PCNX1: variants seen among roughly 807,000 people sequenced by gnomAD.
PCNX1 encodes the protein pecanex-like protein 1.
Under a neutral mutation model 242.2 loss-of-function variants are expected in PCNX1, and 78 were observed. The ratio of observed to expected loss-of-function variants is 0.32; its 90% CI spans 0.27 to 0.39. PCNX1 has a LOEUF of 0.39. Ranked by LOEUF, PCNX1 falls within the 10% of genes least tolerant of loss-of-function variation. The pLI, the probability that PCNX1 is intolerant of heterozygous loss-of-function variation, is 1.00. For missense variants in PCNX1, 2,581 were observed against 2,856.5 expected (o/e 0.90, Z 2.20); for synonymous variants, 1,024 against 1,032.9 (o/e 0.99, Z 0.17).
chr14:71,012,625 T>G, intron 10 of PCNX1: 1 of 278,536 alleles, frequency 3.6e-6, no homozygotes, highest in Non-Finnish European at 6.9e-6. Context: ...AGGTCAAGAG[T>G]TCAAGACCAG....
chr14:70,935,940 G>A (rs1167426320), intron 1 of PCNX1, among the ~76,000 whole-genome samples: 1 of 152,112 alleles, frequency 6.6e-6, no homozygotes, highest in Non-Finnish European at 1.5e-5. Context: ...ATTTCAGATG[G>A]AAACCAGTGT....
intron 21 of PCNX1, 50 bp downstream of exon 21, chr14:71,047,155 A>G (rs758423706): frequency 9.0e-7 from 1 of 1,112,468 alleles, no homozygotes; most frequent in Non-Finnish European, 1.3e-6. Context: ...GGCTGTTATA[A>G]ACAATGTCTT....
At position 71,003,083 on chromosome 14, in the gene PCNX1, T is replaced by C. The variant is rs571785715; in HGVS notation, c.2630-6551T>C. Among the ~76,000 whole-genome samples the C allele has an allele frequency of 1.3e-4, 17 of 134,586 alleles. No homozygotes were observed. The Middle Eastern group carries it at 0.01, about 83-fold the overall frequency. 88.3% of individuals were successfully genotyped at this position (134,586 alleles called of 152,430 possible). A position where few individuals can be genotyped will look rare whatever the true frequency, so the allele number is the denominator to read the frequency against. On this transcript the variant is annotated intron_variant, in intron 8 of 35. Transcript: ENST00000304743. ...AAATCGGGTTGTTGGTTGTCTTCTT[T>C]TTTTTTTTTTTTTTTTTGAGACAGA...
intron 28 of PCNX1, among the ~76,000 whole-genome samples, chr14:71,081,662 T>C (rs1216671739): frequency 6.6e-6 from 1 of 152,216 alleles, no homozygotes; most frequent in African/African-American, 2.4e-5. Context: ...TAGAGGTGTT[T>C]ATAGTATTCT....
intron 3 of PCNX1, among the ~76,000 whole-genome samples, chr14:70,967,596 C>T (rs1034489273): frequency 1.3e-5 from 2 of 152,092 alleles, no homozygotes; most frequent in Non-Finnish European, 2.9e-5. Context: ...TTAATTTTCT[C>T]CTTATAGTTT....
chr14:71,032,723 A>G (rs1297907621), intron 16 of PCNX1, among the ~76,000 whole-genome samples: 1 of 152,214 alleles, frequency 6.6e-6, no homozygotes, highest in Admixed American at 6.5e-5. Context: ...CACAGGACAT[A>G]CTTAAGAACT....
chr14:71,032,986 A>C (rs2060431671), intron 16 of PCNX1, among the ~76,000 whole-genome samples: 1 of 152,250 alleles, frequency 6.6e-6, no homozygotes, highest in Non-Finnish European at 1.5e-5. Context: ...GTAACACACC[A>C]AATGTCAGAC....
intron 1 of PCNX1, among the ~76,000 whole-genome samples, chr14:70,913,795 A>G (rs924773046): frequency 6.6e-6 from 1 of 152,212 alleles, no homozygotes; most frequent in Non-Finnish European, 1.5e-5. Flanking sequence ...TATTTCTCTA[A>G]AAGTTTAGAT....
chr14:71,051,168 C>CAAAAAAAA (rs758181078), intron 23 of PCNX1, among the ~76,000 whole-genome samples: 2 of 41,782 alleles, frequency 4.8e-5, no homozygotes, highest in African/African-American at 9.6e-5. Flanking sequence ...AACTCTGTCT[C>CAAAAAAAA]AAAAAAAAAA....
chr14:71,099,815 A>G (rs796453175), intron 30 of PCNX1, among the ~76,000 whole-genome samples: 7 of 152,304 alleles, frequency 4.6e-5, no homozygotes, highest in African/African-American at 1.7e-4. Flanking sequence ...TGAACTTTCT[A>G]TCATTAGGTA....
chr14:71,074,015 A>C (rs1207513623), intron 27 of PCNX1, among the ~76,000 whole-genome samples: 1 of 152,198 alleles, frequency 6.6e-6, no homozygotes, highest in East Asian at 1.9e-4. Flanking sequence ...TTCATTCATT[A>C]ATAATAATAG....
At chr14:70,991,122 C>T (rs1254655925) in intron 7 of PCNX1, among the ~76,000 whole-genome samples, 1 of 151,996 alleles carries the variant, frequency 6.6e-6, no homozygotes, top group African/African-American at 2.4e-5. Flanking sequence ...TGTTCTAACT[C>T]CAGCCAATCA....
intron 19 of PCNX1, among the ~76,000 whole-genome samples, chr14:71,040,744 C>A (rs568764451): frequency 3.3e-5 from 5 of 152,014 alleles, no homozygotes; most frequent in Non-Finnish European, 7.4e-5. Context: ...ACTATAGTTA[C>A]CCTCTTGTGC....
Position 70,962,242 on chromosome 14 carries a change from A to G in PCNX1, c.379A>G (p.Ile127Val). ...SNGPSDPGGG[I>V]EMSEFIREAT... Reference sequence around the variant, plus strand: ...TCTCCACAGTGATCCTGGTGGAGGGATTGAAATGTCTGAGTTCATCCGAGA... The same window carrying G: ...TCTCCACAGTGATCCTGGTGGAGGGGTTGAAATGTCTGAGTTCATCCGAGA... The change falls in exon 3 of 36, where the codon ATT becomes GTT. Residue 127 changes from isoleucine to valine, a missense_variant. Coordinates refer to ENST00000304743, the MANE Select transcript of PCNX1 (RefSeq NM_014982.3). 1 of 1,609,022 alleles carries G rather than the reference A, an allele frequency of 6.2e-7. No individual in the cohort carries two copies. Among genetic ancestry groups the G allele is most frequent in the Non-Finnish European group, 8.5e-7 (1 of 1,175,474 alleles).
chr14:71,055,471 A>G, intron 24 of PCNX1, 33 bp from the exon 25 acceptor site: 1 of 1,327,156 alleles, frequency 7.5e-7, no homozygotes. Context: ...TTTAATGTAA[A>G]GAAAGTTACT....
intron 26 of PCNX1, among the ~76,000 whole-genome samples, chr14:71,072,615 G>A (rs923257427): frequency 2.0e-5 from 3 of 152,138 alleles, no homozygotes; most frequent in Non-Finnish European, 4.4e-5. Context: ...CATGGATGGT[G>A]TATGTATTAA....
chr14:70,942,968 TC>T, intron 1 of PCNX1: 1 of 152,646 alleles, frequency 6.6e-6, no homozygotes, highest in Non-Finnish European at 1.5e-5. Flanking sequence ...ATAAGGGGCT[TC>T]CCCCTTCGCT....
At chr14:70,942,005 C>T (rs577775348) in intron 1 of PCNX1, among the ~76,000 whole-genome samples, 1 of 152,266 alleles carries the variant, frequency 6.6e-6, no homozygotes, top group Non-Finnish European at 1.5e-5. Context: ...GTGGGAGTGT[C>T]CCGATTTTCC....
At chr14:71,073,134 A>G (rs2061626451) in intron 26 of PCNX1, among the ~76,000 whole-genome samples, 1 of 152,234 alleles carries the variant, frequency 6.6e-6, no homozygotes, top group Admixed American at 6.5e-5. Flanking sequence ...CTCTACTAAA[A>G]ATACAAAAAT....
Sources: allele counts gnomAD v4.1 joint callset (sites outside exome capture counted in the v4.1 genomes callset), GRCh38; gene constraint gnomAD v4.1.1; transcripts MANE v1.5; gene names NCBI Gene and HGNC (gene_info 2026-07-23, HGNC 2026-07-21).